ST7L: variants seen among roughly 807,000 people sequenced by gnomAD.
ST7L encodes the protein suppression of tumorigenicity 7 like, also known as suppressor of tumorigenicity 7 protein-like.
In ST7L, 57 loss-of-function variants were observed where a neutral mutation model predicts 72.5. The ratio of observed to expected loss-of-function variants is 0.79; its 90% CI spans 0.64 to 0.98. ST7L has a LOEUF of 0.98. Ranked by LOEUF, ST7L falls within the 50% of genes least tolerant of loss-of-function variation. The probability of loss-of-function intolerance (pLI) is 0.00; values close to 1 mark genes in which losing one functional copy is unlikely to be tolerated. For synonymous variants in ST7L, 221 were observed against 240.9 expected (o/e 0.92, Z 0.77); for missense variants, 576 against 672.2 (o/e 0.86, Z 1.58).
chr1:112,527,900 G>C (rs990026248), intron 14 of ST7L: 1 of 152,216 alleles, frequency 6.6e-6, no homozygotes, highest in Non-Finnish European at 1.5e-5. Flanking sequence ...AGGTGAACTG[G>C]AACTCTGGGG....
chr1:112,574,342 G>A (rs1042597192), intron 11 of ST7L, among the ~76,000 whole-genome samples: 3 of 149,218 alleles, frequency 2.0e-5, no homozygotes, highest in Admixed American at 6.7e-5. Context: ...TCAGCCTCTC[G>A]AATAGCTGAA....
chr1:112,591,463 T>C lies in ST7L; in HGVS notation c.701+62A>G, dbSNP rs1665708974. ...GTCTTAGGAACAGACAAAGGAGACA[T>C]AAAAATCATTTGCCTTGGTTTCCTT... On this transcript the variant is annotated intron_variant, in intron 6 of 14. Coordinates refer to ENST00000358039, the MANE Select transcript of ST7L (RefSeq NM_017744.5). 1.5e-5 allele frequency: 22 copies of C among 1,433,588 alleles called. No homozygotes were observed. In the South Asian group the frequency reaches 2.6e-4, roughly 17 times the overall value. The allele number at this position is 1,433,588 out of a possible 1,614,324, so 88.8% of individuals were successfully genotyped here.
chr1:112,547,336 G>A (rs1244011907), intron 13 of ST7L, among the ~76,000 whole-genome samples: 1 of 151,836 alleles, frequency 6.6e-6, no homozygotes, highest in African/African-American at 2.4e-5. Flanking sequence ...GGGATTACAG[G>A]CGCAAGCCAC....
At position 112,581,976 on chromosome 1, in the gene ST7L, A is replaced by G; in HGVS notation, c.1069+16T>C. The G allele has an allele frequency of 1.4e-6, 2 of 1,436,046 alleles. No homozygotes were observed. The highest frequency in any genetic ancestry group is 2.8e-5 in the African/African-American group (2 of 71,442). 89.0% of individuals were successfully genotyped at this position (1,436,046 alleles called of 1,614,324 possible). ...AAAAGAATAACCATGCTATCAACTA[A>G]GGGAATATGACTCACCATCATATTT... On this transcript the variant is annotated intron_variant, in intron 9 of 14. Coordinates refer to ENST00000358039, the MANE Select transcript of ST7L (RefSeq NM_017744.5).
At chr1:112,592,903 A>G (rs1665912661) in intron 5 of ST7L, among the ~76,000 whole-genome samples, 1 of 152,164 alleles carries the variant, frequency 6.6e-6, no homozygotes, top group South Asian at 2.1e-4. Context: ...TAAAATATGT[A>G]TATTTTAAAA....
chr1:112,571,070 T>C (rs928701066), intron 11 of ST7L, among the ~76,000 whole-genome samples: 5 of 152,094 alleles, frequency 3.3e-5, no homozygotes, highest in African/African-American at 7.2e-5. Flanking sequence ...CTTAGGAGGC[T>C]GAGGCAGGAG....
intron 11 of ST7L, among the ~76,000 whole-genome samples, chr1:112,572,594 G>A (rs1457259498): frequency 2.0e-5 from 3 of 152,106 alleles, no homozygotes; most frequent in African/African-American, 4.8e-5. Context: ...AAAATATTTT[G>A]GGCCAAGGGA....
rs556388277 is a variant in ST7L at position 112,604,775 on chromosome 1, TAAAAAAAAAAAAA to T, written c.452-3940_452-3928del. Among the ~76,000 whole-genome samples, 13 of 58,780 alleles carry T rather than the reference TAAAAAAAAAAAAA, an allele frequency of 2.2e-4. No homozygotes were observed. The East Asian group carries it at 5.8e-3, about 26-fold the overall frequency. 38.6% of individuals were successfully genotyped at this position (58,780 alleles called of 152,430 possible). Reference sequence around the variant, plus strand: ...CAACATAGTGAGGCCTTGTCTCTCTTAAAAAAAAAAAAAAAAAAAAAAAAAAAAGACTGGGCGT... The same window carrying T: ...CAACATAGTGAGGCCTTGTCTCTCTTAAAAAAAAAAAAAAAGACTGGGCGT... On this transcript the variant is annotated intron_variant, in intron 3 of 14. Transcript: ENST00000358039.
intron 13 of ST7L, among the ~76,000 whole-genome samples, chr1:112,543,868 CAA>C (rs11418345): frequency 6.7e-5 from 4 of 59,444 alleles, no homozygotes; most frequent in Non-Finnish European, 6.3e-5. Context: ...GACTCTATCT[CAA>C]AAAAAAAAAA....
chr1:112,570,215 T>C (rs1242205996), intron 11 of ST7L, among the ~76,000 whole-genome samples: 1 of 152,068 alleles, frequency 6.6e-6, no homozygotes. Flanking sequence ...CATGAACACA[T>C]GCTGTTCTAT....
intron 3 of ST7L, among the ~76,000 whole-genome samples, chr1:112,608,314 C>A (rs1668577887): frequency 6.6e-6 from 1 of 152,054 alleles, no homozygotes; most frequent in Admixed American, 6.6e-5. Context: ...CCACTGTGCC[C>A]AGCTTTTAAC....
Position 112,547,146 on chromosome 1 carries a change from T to C in ST7L, c.1489+3455A>G, listed in dbSNP as rs367835654. Among the ~76,000 whole-genome samples, 13 of 151,792 alleles carry C rather than the reference T, an allele frequency of 8.6e-5. 1 individual carries two copies. The highest frequency in any genetic ancestry group is 8.3e-4 in the South Asian group (4 of 4,826). On this transcript the variant is annotated intron_variant, in intron 13 of 14. Coordinates refer to ENST00000358039, the MANE Select transcript of ST7L (RefSeq NM_017744.5). ...AAGTCAGAAAATTGAGAATCATTCT[T>C]GACCTCCTAGATAGCTAGGCCCTCC...
intron 2 of ST7L, 93 bp from the exon 3 acceptor site, chr1:112,611,096 C>T: frequency 1.6e-6 from 2 of 1,284,480 alleles, no homozygotes; most frequent in Non-Finnish European, 2.1e-6. Context: ...CTGTTCAATT[C>T]AGCATTTTAA....
intron 14 of ST7L, among the ~76,000 whole-genome samples, chr1:112,535,696 C>T (rs925563381): frequency 6.6e-6 from 1 of 151,452 alleles, no homozygotes; most frequent in Non-Finnish European, 1.5e-5. Context: ...GCACTCCTGC[C>T]TGGGTGAGAG....
chr1:112,534,248 T>A (rs1289254352), intron 14 of ST7L, among the ~76,000 whole-genome samples: 1 of 152,202 alleles, frequency 6.6e-6, no homozygotes, highest in Non-Finnish European at 1.5e-5. Flanking sequence ...CTATCTCTGG[T>A]ATGAAATTTA....
chr1:112,520,091 T>G (rs1652783335), downstream of ST7L, among the ~76,000 whole-genome samples: 1 of 152,112 alleles, frequency 6.6e-6, no homozygotes, highest in African/African-American at 2.4e-5. Context: ...AGGCTGGTCT[T>G]GAATTCCTGG....
intron 4 of ST7L, among the ~76,000 whole-genome samples, chr1:112,599,073 A>AAAAAATATATATATAT (rs1190968815): frequency 1.8e-5 from 1 of 57,002 alleles, no homozygotes; most frequent in African/African-American, 6.8e-5. Context: ...AAAAAAAAAA[A>AAAAAATATATATATAT]ATATATATAT....
intron 6 of ST7L, among the ~76,000 whole-genome samples, chr1:112,587,433 C>T (rs1354360153): frequency 6.6e-6 from 1 of 152,138 alleles, no homozygotes; most frequent in Non-Finnish European, 1.5e-5. Context: ...GAAACCTTGT[C>T]TCTACTCTAA....
intron 7 of ST7L, 152 bp from the exon 8 acceptor site, chr1:112,582,624 A>G (rs548880604): frequency 5.8e-6 from 3 of 514,018 alleles, no homozygotes; most frequent in Non-Finnish European, 1.0e-5. Context: ...TGATGTCTAC[A>G]TTTGGATGAT....
Sources: gnomAD v4.1 joint callset for allele counts (sites outside exome capture counted in the v4.1 genomes callset) on GRCh38, gnomAD v4.1.1 for gene constraint, MANE v1.5 for transcripts, NCBI Gene and HGNC (gene_info 2026-07-23, HGNC 2026-07-21) for gene names.